Variants in WWOX observed in about 807,000 individuals in gnomAD.
WWOX encodes WW domain-containing oxidoreductase.
A neutral mutation model predicts 46.2 loss-of-function variants in WWOX; 69 were observed. The observed-to-expected ratio is 1.49, with a 90% CI of 1.23 to 1.82. WWOX has a LOEUF of 1.82. WWOX is among the 40% of genes most tolerant of loss of function. WWOX has a pLI of 0.00. For synonymous variants in WWOX, 359 were observed against 202.6 expected, an observed-to-expected ratio of 1.77 and a Z score of -6.56; for missense variants, 919 against 542.6, an observed-to-expected ratio of 1.69 and a Z score of -6.89.
At chr16:78,714,821 T>G (rs1597481946) in intron 8 of WWOX, among the ~76,000 whole-genome samples, 1 of 152,138 alleles carries the variant, frequency 6.6e-6, no homozygotes, top group Admixed American at 6.5e-5. Context: ...ACTTAAGATT[T>G]TATTCTAGCT....
intron 8 of WWOX, chr16:78,981,675 C>T (rs1207244006): frequency 6.6e-6 from 1 of 152,250 alleles, no homozygotes; most frequent in African/African-American, 2.4e-5. Flanking sequence ...GATCCACCGG[C>T]CTTGGCCTCA....
chr16:78,783,269 T>C (rs1167491218), intron 8 of WWOX, among the ~76,000 whole-genome samples: 2 of 152,242 alleles, frequency 1.3e-5, no homozygotes, highest in African/African-American at 4.8e-5. Flanking sequence ...AGGCTCCTGT[T>C]AAGCTCTCCT....
chr16:78,396,939 C>A (rs1180003185), intron 6 of WWOX, among the ~76,000 whole-genome samples: 1 of 152,170 alleles, frequency 6.6e-6, no homozygotes, highest in Non-Finnish European at 1.5e-5. Flanking sequence ...GTTTACTACT[C>A]CTTGGACGGT....
chr16:78,952,751 T>C (rs2046087574), intron 8 of WWOX, among the ~76,000 whole-genome samples: 1 of 152,170 alleles, frequency 6.6e-6, no homozygotes, highest in Non-Finnish European at 1.5e-5. Context: ...GGCATGTGTT[T>C]GTTTCGGTTC....
chr16:78,323,581 C>A (rs751102762), intron 5 of WWOX, among the ~76,000 whole-genome samples: 8 of 152,184 alleles, frequency 5.3e-5, no homozygotes, highest in Non-Finnish European at 4.4e-5. Context: ...GGGAACCCCA[C>A]TGAGCTGTCC....
intron 5 of WWOX, among the ~76,000 whole-genome samples, chr16:78,184,012 C>G (rs755394811): frequency 1.3e-5 from 2 of 152,120 alleles, no homozygotes; most frequent in East Asian, 3.9e-4. Context: ...ATCAAGGGCT[C>G]AATTGCAGCT....
chr16:78,833,104 C>G (rs2051876967), intron 8 of WWOX, among the ~76,000 whole-genome samples: 1 of 150,146 alleles, frequency 6.7e-6, no homozygotes, highest in African/African-American at 2.5e-5. Flanking sequence ...TGCAGTGGTA[C>G]AATCAGAGAT....
At chr16:78,616,251 G>C (rs2046022103) in intron 8 of WWOX, among the ~76,000 whole-genome samples, 1 of 151,856 alleles carries the variant, frequency 6.6e-6, no homozygotes. Flanking sequence ...CAAGTAGGAT[G>C]TTTGTCTTAG....
intron 8 of WWOX, among the ~76,000 whole-genome samples, chr16:78,742,415 A>T (rs577227990): frequency 1.2e-3 from 185 of 152,236 alleles, no homozygotes; most frequent in African/African-American, 4.4e-3. Flanking sequence ...CTGTGTCTTC[A>T]TGTGCAAATG....
chr16:78,472,615 C>G (rs953808201), intron 8 of WWOX, among the ~76,000 whole-genome samples: 1 of 151,874 alleles, frequency 6.6e-6, no homozygotes, highest in Non-Finnish European at 1.5e-5. Flanking sequence ...TTGAGACCAG[C>G]CTGACCAACA....
At chr16:78,667,042 T>C (rs552713933) in intron 8 of WWOX, among the ~76,000 whole-genome samples, 131 of 152,332 alleles carry the variant, frequency 8.6e-4, no homozygotes, top group African/African-American at 3.1e-3. Flanking sequence ...ATTAAAAGTC[T>C]CTTACATAAT....
At chr16:78,558,436 C>T (rs2044357801) in intron 8 of WWOX, among the ~76,000 whole-genome samples, 1 of 152,250 alleles carries the variant, frequency 6.6e-6, no homozygotes. Flanking sequence ...CTCGACAAAG[C>T]AGATCTGGCA....
chr16:79,203,665 A>T (rs1338351304), intron 8 of WWOX: 2 of 152,166 alleles, frequency 1.3e-5, no homozygotes, highest in African/African-American at 2.4e-5. Context: ...GTTTTCTAAA[A>T]GACGTAATTT....
At chr16:79,106,685 C>G (rs949741321) in intron 8 of WWOX, 3 of 140,864 alleles carry the variant, frequency 2.1e-5, no homozygotes, top group African/African-American at 7.9e-5. Flanking sequence ...TGTGTGACCT[C>G]AAACTCTTGG....
intron 5 of WWOX, among the ~76,000 whole-genome samples, chr16:78,295,798 G>A (rs1007709451): frequency 1.3e-5 from 2 of 152,314 alleles, no homozygotes; most frequent in South Asian, 4.1e-4. Flanking sequence ...GGGATTTTTC[G>A]AACACGTAGC....
At chr16:78,106,571 C>T (rs1315455872) in intron 1 of WWOX, among the ~76,000 whole-genome samples, 1 of 151,954 alleles carries the variant, frequency 6.6e-6, no homozygotes, top group Non-Finnish European at 1.5e-5. Context: ...CATGTGCCAC[C>T]ACGCCAGGCT....
intron 6 of WWOX, among the ~76,000 whole-genome samples, chr16:78,394,700 G>T (rs529871835): frequency 6.6e-6 from 1 of 152,296 alleles, no homozygotes; most frequent in East Asian, 1.9e-4. Flanking sequence ...TGCTTTTGCC[G>T]TGGTAGCCTG....
chr16:79,162,376 G>A (rs2050503886), intron 8 of WWOX, among the ~76,000 whole-genome samples: 1 of 152,176 alleles, frequency 6.6e-6, no homozygotes, highest in Non-Finnish European at 1.5e-5. Context: ...ACGTGCACAG[G>A]TTGTAATACT....
intron 8 of WWOX, among the ~76,000 whole-genome samples, chr16:78,687,822 T>C (rs1366012281): frequency 6.6e-6 from 1 of 152,208 alleles, no homozygotes; most frequent in African/African-American, 2.4e-5. Flanking sequence ...TAGTAATCCC[T>C]GAAGCTCTCA....
Sources: gnomAD v4.1 joint callset for allele counts (sites outside exome capture counted in the v4.1 genomes callset) on GRCh38, gnomAD v4.1.1 for gene constraint, MANE v1.5 for transcripts, NCBI Gene and HGNC (gene_info 2026-07-23, HGNC 2026-07-21) for gene names.